DMD: variants seen among roughly 807,000 people sequenced by gnomAD.
DMD encodes the protein mutant dystrophin.
Under a neutral mutation model 330.1 loss-of-function variants are expected in DMD, and 63 were observed. The observed-to-expected ratio is 0.19, with a 90% confidence interval of 0.16 to 0.24. The LOEUF (loss-of-function observed/expected upper bound fraction) is 0.24. Ranked by LOEUF, DMD falls within the 10% of genes least tolerant of loss-of-function variation. The pLI is 1.00. For missense variants in DMD, 3,344 were observed against 2,684.1 expected (o/e 1.25, Z -5.43); for synonymous variants, 1,223 against 959.8 (o/e 1.27, Z -5.07).
In DMD at chrX:31,860,101, TAA is replaced by T. The variant is rs111527696; in HGVS notation, c.7098+15085_7098+15086del. On this transcript the variant is annotated intron_variant, in intron 48 of 78. Coordinates refer to ENST00000357033, the MANE Select transcript of DMD (RefSeq NM_004006.3). ...AGAGCAGAGTTTTCTTTAGAGTACATAAAAAAAAAAAACTGATAGCATGGCTT... is the reference window on the plus strand; with the variant it reads ...AGAGCAGAGTTTTCTTTAGAGTACATAAAAAAAAAACTGATAGCATGGCTT... 1.5e-3 allele frequency among the ~76,000 whole-genome samples: 160 copies of T among 103,758 alleles called. 1 individual carries two copies. Among genetic ancestry groups the T allele is most frequent in the Non-Finnish European group, 2.3e-3 (118 of 50,365 alleles). The allele number at this position is 103,758 out of a possible 115,157, so 90.1% of individuals were successfully genotyped here.
intron 52 of DMD, among the ~76,000 whole-genome samples, chrX:31,715,220 TG>T (rs79807469): frequency 9.0e-5 from 7 of 77,726 alleles, no homozygotes; most frequent in Non-Finnish European, 1.4e-4. Context: ...TGGGGGTTGG[TG>T]GGGGGGGAGC....
intron 62 of DMD, among the ~76,000 whole-genome samples, chrX:31,275,914 AT>A (rs2052074509): frequency 8.9e-6 from 1 of 112,372 alleles, no homozygotes; most frequent in African/African-American, 3.2e-5. Flanking sequence ...CTATGTACAT[AT>A]TTATACTGTG....
chrX:32,388,162 C>A (rs1481895427), intron 32 of DMD, among the ~76,000 whole-genome samples: 5 of 110,955 alleles, frequency 4.5e-5, no homozygotes, highest in Non-Finnish European at 9.5e-5. Flanking sequence ...GAGCAGTTTC[C>A]TTTGTACTGA....
chrX:31,400,222 C>A (rs1319980748), intron 60 of DMD, among the ~76,000 whole-genome samples: 2 of 111,529 alleles, frequency 1.8e-5, no homozygotes, highest in African/African-American at 3.3e-5. Context: ...AAAGTCATCC[C>A]TCTGCTCACT....
intron 52 of DMD, among the ~76,000 whole-genome samples, chrX:31,715,343 G>C (rs1167267134): frequency 2.8e-5 from 3 of 106,046 alleles, no homozygotes; most frequent in African/African-American, 1.0e-4. Context: ...AGGAGATCGA[G>C]ACCATCCTGG....
intron 54 of DMD, among the ~76,000 whole-genome samples, chrX:31,636,249 T>G (rs1421078540): frequency 1.8e-5 from 2 of 111,408 alleles, no homozygotes; most frequent in African/African-American, 6.5e-5. Flanking sequence ...GTACTACGCT[T>G]AATACCTGGG....
At chrX:32,749,105 C>T (rs188067192) in intron 7 of DMD, among the ~76,000 whole-genome samples, 1 of 111,873 alleles carries the variant, frequency 8.9e-6, no homozygotes, top group Non-Finnish European at 1.9e-5. Flanking sequence ...GCACGATTTC[C>T]CCCCTACCAA....
At chrX:31,136,606 G>A (rs1175338193) in intron 76 of DMD, among the ~76,000 whole-genome samples, 1 of 112,127 alleles carries the variant, frequency 8.9e-6, no homozygotes, top group Non-Finnish European at 1.9e-5. Context: ...CATGAACATC[G>A]ATGTTAATAT....
intron 13 of DMD, among the ~76,000 whole-genome samples, chrX:32,591,136 G>C (rs1444463245): frequency 9.0e-6 from 1 of 111,549 alleles, no homozygotes; most frequent in South Asian, 3.8e-4. Flanking sequence ...TGGGATTACA[G>C]GTGTGAGCCA....
At chrX:32,251,051 G>A (rs894173773) in intron 43 of DMD, among the ~76,000 whole-genome samples, 4 of 109,936 alleles carry the variant, frequency 3.6e-5, no homozygotes, top group Non-Finnish European at 7.6e-5. Flanking sequence ...GGGGTGGGGG[G>A]CTAGGGTAGG....
chrX:32,887,770 A>AAAAAAAAAAC lies in DMD; in HGVS notation c.94-37951_94-37950insGTTTTTTTTT, dbSNP rs1383701636. On this transcript the variant is annotated intron_variant, in intron 2 of 78. Transcript: ENST00000357033. ...CAAAAAAAAAAAAAAAAAAAAAAAA[A>AAAAAAAAAAC]AAAAAACATCAACTAAAAGCTTATG... Among the ~76,000 whole-genome samples the AAAAAAAAAAC allele has an allele frequency of 6.8e-3, 479 of 70,321 alleles. 39 individuals carry two copies. Among genetic ancestry groups the AAAAAAAAAAC allele is most frequent in the Non-Finnish European group, 0.011 (371 of 34,610 alleles). 61.1% of individuals were successfully genotyped at this position (70,321 alleles called of 115,157 possible).
chrX:31,908,548 T>A (rs1381065562), intron 47 of DMD, among the ~76,000 whole-genome samples: 1 of 95,377 alleles, frequency 1.0e-5, no homozygotes, highest in Non-Finnish European at 2.1e-5. Context: ...GCAGGCAACA[T>A]CACACACTGG....
At chrX:32,972,890 T>G (rs776190448) in intron 2 of DMD, among the ~76,000 whole-genome samples, 1 of 112,245 alleles carries the variant, frequency 8.9e-6, no homozygotes, top group South Asian at 3.7e-4. Context: ...GATTATTATA[T>G]TTATTATCTA....
intron 7 of DMD, among the ~76,000 whole-genome samples, chrX:32,791,659 G>C (rs1399016816): frequency 9.0e-6 from 1 of 111,461 alleles, no homozygotes; most frequent in African/African-American, 3.3e-5. Flanking sequence ...CATGAAAACA[G>C]GTCTTTTAAA....
At chrX:31,834,953 T>C (rs2093162448) in intron 49 of DMD, among the ~76,000 whole-genome samples, 1 of 112,015 alleles carries the variant, frequency 8.9e-6, no homozygotes, top group African/African-American at 3.2e-5. Context: ...CAGCTCCTGG[T>C]TCTTTCTTTT....
chrX:32,199,623 C>CT (rs374235781), intron 44 of DMD, among the ~76,000 whole-genome samples: 58 of 104,673 alleles, frequency 5.5e-4, no homozygotes, highest in African/African-American at 1.4e-3. Context: ...TCTTTCTTTT[C>CT]TTTTTTTTTT....
chrX:31,520,046 CA>C (rs2072602737), intron 55 of DMD, among the ~76,000 whole-genome samples: 1 of 112,189 alleles, frequency 8.9e-6, no homozygotes, highest in Non-Finnish European at 1.9e-5. Context: ...AGGAGGAAGA[CA>C]GGGGATATGC....
intron 44 of DMD, among the ~76,000 whole-genome samples, chrX:32,120,232 T>C (rs1157849987): frequency 8.9e-6 from 1 of 112,333 alleles, no homozygotes; most frequent in Non-Finnish European, 1.9e-5. Flanking sequence ...TTATATGGTT[T>C]CTTATAGCCT....
At chrX:31,828,290 A>C (rs1488187748) in intron 49 of DMD, among the ~76,000 whole-genome samples, 2 of 111,863 alleles carry the variant, frequency 1.8e-5, no homozygotes, top group Non-Finnish European at 3.8e-5. Context: ...CTTTATGCAC[A>C]CAAACTAGAA....
Sources: gnomAD v4.1 joint callset for allele counts (sites outside exome capture counted in the v4.1 genomes callset) on GRCh38, gnomAD v4.1.1 for gene constraint, MANE v1.5 for transcripts, NCBI Gene and HGNC (gene_info 2026-07-23, HGNC 2026-07-21) for gene names.